Variants in ZSCAN5B observed in about 807,000 individuals in gnomAD.
The protein encoded by ZSCAN5B is zinc finger and SCAN domain-containing protein 5B.
ZSCAN5B carries 26 observed loss-of-function variants against 25.2 expected under a neutral mutation model. That is an observed-to-expected ratio of 1.03 (90% CI 0.76 to 1.43). The LOEUF (loss-of-function observed/expected upper bound fraction) is 1.43. ZSCAN5B is among the 40% of genes most tolerant of loss of function. The pLI, the probability that ZSCAN5B is intolerant of heterozygous loss-of-function variation, is 0.00. For missense variants in ZSCAN5B, 745 were observed against 622.1 expected (o/e 1.20, Z -2.10); for synonymous variants, 244 against 240.9 (o/e 1.01, Z -0.12).
At chr19:56,190,641 T>C in intron 4 of ZSCAN5B, 66 bp from the exon 5 acceptor site, 2 of 1,578,836 alleles carry the variant, frequency 1.3e-6, no homozygotes, top group Admixed American at 1.8e-5. Flanking sequence ...CCAAACTCAT[T>C]GCAACCAAAC....
exon 3 of ZSCAN5B, chr19:56,191,889 C>T: frequency 6.2e-7 from 1 of 1,614,120 alleles, no homozygotes; most frequent in Non-Finnish European, 8.5e-7. Flanking sequence ...GCAGGATCTG[C>T]TGCTCTCGGC....
At chr19:56,190,872 A>C in exon 4 of ZSCAN5B, 1 of 1,614,124 alleles carries the variant, frequency 6.2e-7, no homozygotes, top group South Asian at 1.1e-5. Flanking sequence ...TGGGGATGAC[A>C]GTCCTGGGTT....
chr19:56,194,573 G>A (rs2032782953), intron 1 of ZSCAN5B, among the ~76,000 whole-genome samples: 2 of 152,090 alleles, frequency 1.3e-5, no homozygotes, highest in Non-Finnish European at 2.9e-5. Context: ...GGGATTACAG[G>A]CGTGATTGCA....
At chr19:56,192,959 G>C in exon 2 of ZSCAN5B, 1 of 1,612,792 alleles carries the variant, frequency 6.2e-7, no homozygotes, top group Non-Finnish European at 8.5e-7. Flanking sequence ...TTTCCAAGTT[G>C]AGTTTCTGGG....
exon 5 of ZSCAN5B, chr19:56,190,374 T>C (rs946436166): frequency 6.2e-6 from 10 of 1,614,004 alleles, no homozygotes; most frequent in East Asian, 4.5e-5. Flanking sequence ...AGGTGTGGCT[T>C]CTCCTTGAGG....
chr19:56,195,626 G>C (rs943139082), intron 1 of ZSCAN5B, among the ~76,000 whole-genome samples: 1 of 151,970 alleles, frequency 6.6e-6, no homozygotes, highest in African/African-American at 2.4e-5. Flanking sequence ...ATCCCGCTCC[G>C]GGGCAGGTAC....
intron 2 of ZSCAN5B, among the ~76,000 whole-genome samples, 180 bp from the exon 3 acceptor site, chr19:56,192,233 T>G (rs935720778): frequency 1.3e-5 from 2 of 152,168 alleles, no homozygotes; most frequent in African/African-American, 4.8e-5. Context: ...ACTAGATAAG[T>G]ACATAAATAT....
exon 5 of ZSCAN5B, chr19:56,190,429 G>C (rs1407124852): frequency 6.2e-7 from 1 of 1,614,028 alleles, no homozygotes; most frequent in Admixed American, 1.7e-5. Context: ...CTTCTTTTGG[G>C]ACTGCTCAGA....
intron 1 of ZSCAN5B, among the ~76,000 whole-genome samples, chr19:56,194,484 T>C (rs990545889): frequency 6.6e-6 from 1 of 152,164 alleles, no homozygotes; most frequent in Non-Finnish European, 1.5e-5. Context: ...GTAATAGAGA[T>C]GGGGTTTCGC....
intron 1 of ZSCAN5B, among the ~76,000 whole-genome samples, chr19:56,193,855 G>C (rs1013175568): frequency 2.6e-5 from 4 of 151,814 alleles, no homozygotes; most frequent in Non-Finnish European, 4.4e-5. Context: ...CCAGCTACTC[G>C]GGAGGCTGAG....
At chr19:56,194,493 G>C (rs1229600487) in intron 1 of ZSCAN5B, among the ~76,000 whole-genome samples, 1 of 152,100 alleles carries the variant, frequency 6.6e-6, no homozygotes, top group Admixed American at 6.5e-5. Context: ...ATGGGGTTTC[G>C]CCATGTTGCC....
intron 1 of ZSCAN5B, among the ~76,000 whole-genome samples, chr19:56,194,574 C>T (rs1010737114): frequency 3.9e-5 from 6 of 152,020 alleles, no homozygotes; most frequent in African/African-American, 9.7e-5. Context: ...GGATTACAGG[C>T]GTGATTGCAT....
Position 56,190,240 on chromosome 19 carries a change from C to T in ZSCAN5B, c.1075G>A (p.Val359Met), listed in dbSNP as rs373469763. The change falls in exon 5 of 5, where the codon GTG (valine) becomes ATG (methionine). Residue 359 changes from valine (V) to methionine (M), a missense_variant. Val to Met is a conservative substitution (Grantham distance 21, BLOSUM62 1). Coordinates refer to ENST00000586855, the Ensembl canonical transcript of ZSCAN5B. ...AAATACTTAAATGATTTATTGCACA[C>T]GTCACATGCAAAGGGCGGCAGGGCC... is the stretch of plus-strand genomic sequence containing the variant. The T allele has an allele frequency of 3.8e-5, 61 of 1,614,140 alleles. No individual in the cohort carries two copies. In the African/African-American group the frequency reaches 5.1e-4, roughly 13 times the overall value.
chr19:56,190,810 C>T (rs1269712769), intron 4 of ZSCAN5B, 27 bp downstream of exon 4: 1 of 1,610,202 alleles, frequency 6.2e-7, no homozygotes, highest in East Asian at 2.2e-5. Flanking sequence ...GGGACTAACC[C>T]CTGTGGATCC....
chr19:56,192,503 T>C (rs1266399559), intron 2 of ZSCAN5B, among the ~76,000 whole-genome samples, 166 bp downstream of exon 2: 3 of 152,214 alleles, frequency 2.0e-5, no homozygotes, highest in African/African-American at 7.2e-5. Flanking sequence ...ATGTCTTTCT[T>C]TCAGGTTGGC....
At chr19:56,196,212 C>A (rs111670688) in intron 1 of ZSCAN5B, among the ~76,000 whole-genome samples, 1 of 151,988 alleles carries the variant, frequency 6.6e-6, no homozygotes, top group Non-Finnish European at 1.5e-5. Flanking sequence ...CCACCCCTCT[C>A]GGCTAAATTT....
At chr19:56,196,497 CAGTG>C (rs35415910) in intron 1 of ZSCAN5B, among the ~76,000 whole-genome samples, 41,023 of 151,926 alleles carry the variant, frequency 0.27, 5,788 homozygotes, top group Non-Finnish European at 0.32. Context: ...AATGATAAGA[CAGTG>C]AGGTAGAGCC....
At chr19:56,194,237 A>G (rs1463749890) in intron 1 of ZSCAN5B, among the ~76,000 whole-genome samples, 1 of 151,180 alleles carries the variant, frequency 6.6e-6, no homozygotes, top group East Asian at 2.0e-4. Flanking sequence ...ATCTCATTCC[A>G]TAAAATGGAT....
chr19:56,194,487 G>C (rs2032781506), intron 1 of ZSCAN5B, among the ~76,000 whole-genome samples: 2 of 152,128 alleles, frequency 1.3e-5, no homozygotes. Context: ...ATAGAGATGG[G>C]GTTTCGCCAT....
Sources: gnomAD v4.1 joint callset for allele counts (sites outside exome capture counted in the v4.1 genomes callset) on GRCh38, gnomAD v4.1.1 for gene constraint, MANE v1.5 for transcripts, NCBI Gene and HGNC (gene_info 2026-07-23, HGNC 2026-07-21) for gene names.